Variants in FBN1 observed in about 807,000 individuals in gnomAD.
The protein encoded by FBN1 is fibrillin 1, also known as fibrillin-1.
In FBN1, 29 loss-of-function variants were observed where a neutral mutation model predicts 365.1. That is an observed-to-expected ratio of 0.08 (90% confidence interval 0.06 to 0.11). The LOEUF (loss-of-function observed/expected upper bound fraction) is 0.11. FBN1 is among the 10% of genes least tolerant of loss of function. FBN1 has a pLI of 1.00. For missense variants in FBN1, 2,476 were observed against 3,703.2 expected (o/e 0.67, Z 8.60); for synonymous variants, 1,210 against 1,270.5 (o/e 0.95, Z 1.01).
intron 10 of FBN1, among the ~76,000 whole-genome samples, chr15:48,516,644 A>G (rs1346514298): frequency 2.0e-5 from 3 of 152,318 alleles, no homozygotes; most frequent in Non-Finnish European, 2.9e-5. Context: ...GGAAAACATA[A>G]AAGTACTACT....
At chr15:48,500,208 G>T (rs1194018596) in intron 17 of FBN1, among the ~76,000 whole-genome samples, 2 of 152,180 alleles carry the variant, frequency 1.3e-5, no homozygotes, top group Non-Finnish European at 2.9e-5. Context: ...AAATATGCAT[G>T]AAATACTGTA....
intron 2 of FBN1, among the ~76,000 whole-genome samples, chr15:48,615,186 C>T (rs369662938): frequency 6.6e-6 from 1 of 152,210 alleles, no homozygotes; most frequent in Non-Finnish European, 1.5e-5. Flanking sequence ...AGAACAGCTC[C>T]GCTGGAGATA....
At chr15:48,431,081 T>G (rs1234027252) in intron 55 of FBN1, among the ~76,000 whole-genome samples, 2 of 151,906 alleles carry the variant, frequency 1.3e-5, no homozygotes, top group African/African-American at 4.8e-5. Context: ...CTTCCCTTAT[T>G]TTTTATTTAT....
In FBN1 at chr15:48,410,374, A is replaced by AT. The variant is rs2042850602; in HGVS notation, c.*615dup. On this transcript the variant is annotated 3_prime_UTR_variant, in exon 66 of 66. Transcript: ENST00000316623. ...ATTCTAGTTTATAAATGTTTCAATG[A>AT]TAAAAAATAGCACGATTACAGTATA... 1 of 152,884 alleles carries AT rather than the reference A, an allele frequency of 6.5e-6. No individual in the cohort carries two copies. Among genetic ancestry groups the AT allele is most frequent in the African/African-American group, 2.4e-5 (1 of 41,474 alleles). The allele number at this position is 152,884 out of a possible 1,614,324, so 9.5% of individuals were successfully genotyped here. A position where few individuals can be genotyped will look rare whatever the true frequency, so the allele number is the denominator to read the frequency against.
chr15:48,572,880 T>C (rs896196521), intron 6 of FBN1, among the ~76,000 whole-genome samples: 1 of 152,216 alleles, frequency 6.6e-6, no homozygotes, highest in African/African-American at 2.4e-5. Context: ...GTCTTATTAG[T>C]CACTGCACTG....
At chr15:48,577,558 T>C (rs534467568) in intron 6 of FBN1, among the ~76,000 whole-genome samples, 4 of 152,332 alleles carry the variant, frequency 2.6e-5, no homozygotes, top group Admixed American at 1.3e-4. Flanking sequence ...ATTTTATCCA[T>C]TGTAATATGC....
Position 48,504,912 on chromosome 15 carries a change from C to A in FBN1, c.1960+113G>T, listed in dbSNP as rs2043695130. 4.2e-6 allele frequency: 6 copies of A among 1,425,886 alleles called. No individual in the cohort carries two copies. The Admixed American group carries it at 1.0e-4, about 24-fold the overall frequency. The allele number at this position is 1,425,886 out of a possible 1,614,324, so 88.3% of individuals were successfully genotyped here. A position where few individuals can be genotyped will look rare whatever the true frequency, so the allele number is the denominator to read the frequency against. On this transcript the variant is annotated intron_variant, in intron 16 of 65. Coordinates refer to ENST00000316623, the MANE Select transcript of FBN1 (RefSeq NM_000138.5). The stretch of plus-strand genomic sequence containing the variant: ...CTGACCCTGTTGGTTTGTTGCTCTG[C>A]AAATATTCTTTATATCTTATCTGCT...
intron 6 of FBN1, among the ~76,000 whole-genome samples, chr15:48,584,393 A>G (rs1247251557): frequency 6.6e-6 from 1 of 152,254 alleles, no homozygotes; most frequent in Non-Finnish European, 1.5e-5. Flanking sequence ...TCCTAATTAG[A>G]TATTTTAAAT....
intron 6 of FBN1, among the ~76,000 whole-genome samples, chr15:48,578,509 A>G (rs1365482006): frequency 6.6e-6 from 1 of 152,118 alleles, no homozygotes; most frequent in Non-Finnish European, 1.5e-5. Context: ...TGCATCTCCA[A>G]GTCTTTTGGG....
rs116777784 is a variant in FBN1, at chr15:48,569,146, C to T, written c.538+27137G>A. 5.4e-3 allele frequency among the ~76,000 whole-genome samples: 822 copies of T among 152,052 alleles called. 3 individuals are homozygous for T. The highest frequency in any genetic ancestry group is 0.019 in the African/African-American group (779 of 41,486). On this transcript the variant is annotated intron_variant, in intron 6 of 65. Coordinates refer to ENST00000316623, the MANE Select transcript of FBN1 (RefSeq NM_000138.5). ...CTCTTACAACTCAATAAGAAGATAACCCAATTTTAAAAGCCGGCAAGACAT... is the reference window on the plus strand; with the variant it reads ...CTCTTACAACTCAATAAGAAGATAATCCAATTTTAAAAGCCGGCAAGACAT...
chr15:48,541,288 G>T (rs1160312829), intron 6 of FBN1, among the ~76,000 whole-genome samples: 3 of 152,124 alleles, frequency 2.0e-5, no homozygotes, highest in Non-Finnish European at 4.4e-5. Flanking sequence ...ACTTTATGTA[G>T]AATAGAAACT....
At chr15:48,444,319 T>C (rs2043137628) in intron 49 of FBN1, among the ~76,000 whole-genome samples, 1 of 152,186 alleles carries the variant, frequency 6.6e-6, no homozygotes, top group African/African-American at 2.4e-5. Flanking sequence ...CAGGATCATA[T>C]GATCAGTCAT....
At chr15:48,501,051 T>C (rs1481505169) in intron 17 of FBN1, among the ~76,000 whole-genome samples, 2 of 152,214 alleles carry the variant, frequency 1.3e-5, no homozygotes, top group African/African-American at 2.4e-5. Context: ...ACTACTTCCA[T>C]GTGTGGACCC....
At chr15:48,412,548 A>G (rs1471697922) in intron 65 of FBN1, 21 bp downstream of exon 65, 3 of 1,613,490 alleles carry the variant, frequency 1.9e-6, no homozygotes, top group Non-Finnish European at 2.5e-6. Context: ...AGACATCAGG[A>G]GAAACTAACT....
intron 6 of FBN1, 138 bp from the exon 7 acceptor site, chr15:48,537,946 G>C: frequency 3.3e-6 from 3 of 897,222 alleles, no homozygotes; most frequent in Non-Finnish European, 5.3e-6. Flanking sequence ...CACTGTCCCT[G>C]TGTAAGGCCT....
Position 48,463,173 on chromosome 15 carries a change from T to G in FBN1, c.5133A>C (p.Leu1711Phe). ...AGCACATCTTCTTGGTCATGTTGAA[T>G]AACAATTCTCCATCACAGGTCTGGT... ...ADNQTCDGEL[L>F]FNMTKKMCCC... Residue 1711 changes from leucine to phenylalanine, a missense_variant, in exon 42 of 66, where the codon TTA (leucine) becomes TTC (phenylalanine). By Grantham distance (22) the Leu-to-Phe change is conservative (BLOSUM62 0). Transcript: ENST00000316623. 1 of 1,614,158 alleles carries G rather than the reference T, an allele frequency of 6.2e-7. No individual in the cohort carries two copies. The highest frequency in any genetic ancestry group is 8.5e-7 in the Non-Finnish European group (1 of 1,179,974).
chr15:48,519,631 G>A (rs2043834024), intron 10 of FBN1, among the ~76,000 whole-genome samples: 1 of 152,112 alleles, frequency 6.6e-6, no homozygotes, highest in Admixed American at 6.5e-5. Flanking sequence ...AAGAAAAGAG[G>A]ATATATAACA....
intron 25 of FBN1, among the ~76,000 whole-genome samples, chr15:48,489,283 A>C (rs2043535913): frequency 6.8e-6 from 1 of 146,560 alleles, no homozygotes; most frequent in Admixed American, 7.1e-5. Flanking sequence ...TCCTGGACTC[A>C]AGTAATCTGC....
At chr15:48,507,415 G>T (rs1677682299) in intron 15 of FBN1, among the ~76,000 whole-genome samples, 1 of 152,028 alleles carries the variant, frequency 6.6e-6, no homozygotes, top group African/African-American at 2.4e-5. Context: ...GTTCCTCCTA[G>T]CACAGGGCTC....
Sources: allele counts gnomAD v4.1 joint callset (sites outside exome capture counted in the v4.1 genomes callset), GRCh38; gene constraint gnomAD v4.1.1; transcripts MANE v1.5; gene names NCBI Gene and HGNC (gene_info 2026-07-23, HGNC 2026-07-21).